Variants in TSGA10 observed in about 807,000 individuals in gnomAD.
The protein encoded by TSGA10 is testis-specific gene 10 protein.
Under a neutral mutation model 96.6 loss-of-function variants are expected in TSGA10, and 43 were observed. The observed-to-expected ratio is 0.44, with a 90% confidence interval of 0.35 to 0.57. The LOEUF is 0.57. Among genes scored for constraint, TSGA10 ranks in the 20% least tolerant of loss-of-function variants. The pLI is 0.01. For synonymous variants in TSGA10, 229 were observed against 269.9 expected, an observed-to-expected ratio of 0.85 and a Z score of 1.48; for missense variants, 703 against 834.4, an observed-to-expected ratio of 0.84 and a Z score of 1.94.
At chr2:99,105,979 A>G (rs759759783) in intron 7 of TSGA10, among the ~76,000 whole-genome samples, 13 of 152,150 alleles carry the variant, frequency 8.5e-5, no homozygotes, top group Non-Finnish European at 4.4e-5. Context: ...TATTTGGTAT[A>G]CTCCATTTAT....
At chr2:99,063,972 A>G (rs1240734538) in intron 16 of TSGA10, among the ~76,000 whole-genome samples, 2 of 152,172 alleles carry the variant, frequency 1.3e-5, no homozygotes, top group Non-Finnish European at 2.9e-5. Context: ...AAGGAAGCAC[A>G]AGACAAAAAG....
chr2:99,154,960 C>G (rs776826901), upstream of TSGA10: 11 of 455,322 alleles, frequency 2.4e-5, no homozygotes, highest in South Asian at 1.7e-4. Context: ...GGGGCAGCAT[C>G]GCGCGCAAGG....
intron 10 of TSGA10, among the ~76,000 whole-genome samples, chr2:99,093,501 C>G (rs2104704316): frequency 6.6e-6 from 1 of 151,858 alleles, no homozygotes; most frequent in East Asian, 1.9e-4. Flanking sequence ...CTAGAAAATC[C>G]TAAAGACTCC....
intron 2 of TSGA10, among the ~76,000 whole-genome samples, chr2:99,122,833 A>G (rs2092647540): frequency 6.6e-6 from 1 of 151,462 alleles, no homozygotes; most frequent in Non-Finnish European, 1.5e-5. Flanking sequence ...TCATTTACCC[A>G]TATTTTTTGC....
At chr2:99,003,290 A>T (rs2078126066) in intron 20 of TSGA10, among the ~76,000 whole-genome samples, 1 of 152,232 alleles carries the variant, frequency 6.6e-6, no homozygotes, top group Non-Finnish European at 1.5e-5. Context: ...GAGCACCCAG[A>T]TTCATAAAGC....
chr2:99,080,550 T>G (rs540694197), intron 11 of TSGA10, among the ~76,000 whole-genome samples: 11 of 152,310 alleles, frequency 7.2e-5, no homozygotes, highest in African/African-American at 2.4e-4. Flanking sequence ...CCTTAGATCT[T>G]TATTGGGACT....
chr2:99,106,967 C>A (rs148791114), intron 7 of TSGA10, among the ~76,000 whole-genome samples: 1 of 152,170 alleles, frequency 6.6e-6, no homozygotes, highest in Non-Finnish European at 1.5e-5. Flanking sequence ...TAACTCTTGC[C>A]TCTCTCTACT....
intron 17 of TSGA10, among the ~76,000 whole-genome samples, chr2:99,026,158 T>C (rs1401144315): frequency 1.3e-5 from 2 of 152,216 alleles, no homozygotes; most frequent in African/African-American, 4.8e-5. Context: ...GCCTAGCTGC[T>C]CTCTTCATTA....
rs1314485053 is a variant in TSGA10 at position 99,127,124 on chromosome 2, T to C, written c.-568A>G. The C allele has an allele frequency of 7.4e-5, 95 of 1,289,448 alleles. No individual in the cohort carries two copies. Among genetic ancestry groups the C allele is most frequent in the Non-Finnish European group, 9.4e-5 (93 of 988,770 alleles). 79.9% of individuals were successfully genotyped at this position (1,289,448 alleles called of 1,614,324 possible). ...TAGCTGGAGAGTATTCTGGTAGTTT[T>C]CAGCTTCAGAAACTGGAGCCCCTAG... On this transcript the variant is annotated 5_prime_UTR_variant, in exon 2 of 21. Transcript: ENST00000393483.
Position 99,105,669 on chromosome 2 carries a change from C to T in TSGA10, c.239G>A (p.Arg80Gln), listed in dbSNP as rs781501974. The stretch of plus-strand genomic sequence containing the variant: ...ACTCTTACAGCTTTTCATCATTTCT[C>T]GTCGAAGTCGGGTAATTTCTTCCTG... ...QAQEEITRLRREMMKSCKSPK... is the reference protein window; with the variant it reads ...QAQEEITRLRQEMMKSCKSPK... Residue 80 changes from arginine to glutamine, a missense_variant, in exon 8 of 21, where the codon CGA becomes CAA. Physicochemically the swap from Arg to Gln is conservative, Grantham distance 43. Transcript: ENST00000393483. 14 of 1,591,012 alleles carry T rather than the reference C, an allele frequency of 8.8e-6. No homozygotes were observed. The highest frequency in any genetic ancestry group is 8.1e-5 in the African/African-American group (6 of 74,526).
chr2:99,137,291 G>A (rs1318716599), intron 1 of TSGA10, among the ~76,000 whole-genome samples: 4 of 152,116 alleles, frequency 2.6e-5, no homozygotes, highest in Middle Eastern at 3.2e-3. Context: ...CACTGCACCC[G>A]GCCAAGACTC....
In TSGA10 at chr2:99,105,428, T is replaced by C. The variant is rs1416880232; in HGVS notation, c.390A>G (p.Gln130=). The change falls in exon 9 of 21, where the codon CAA becomes CAG. Residue 130 remains glutamine, a synonymous_variant. Transcript: ENST00000393483. ...GAGCCTTCTCATTAAATGCTGTCTCTTGAGCAATCTGATTAAAAAGCAAAA... is the reference window on the plus strand; with the variant it reads ...GAGCCTTCTCATTAAATGCTGTCTCCTGAGCAATCTGATTAAAAAGCAAAA... ...DSLRERLKIA[Q]ETAFNEKAHL... 20 of 1,613,722 alleles carry C rather than the reference T, an allele frequency of 1.2e-5. No individual in the cohort carries two copies. The highest frequency in any genetic ancestry group is 1.7e-5 in the Non-Finnish European group (20 of 1,180,002).
intron 10 of TSGA10, among the ~76,000 whole-genome samples, chr2:99,089,359 T>A (rs973682104): frequency 6.6e-6 from 1 of 152,204 alleles, no homozygotes; most frequent in African/African-American, 2.4e-5. Context: ...AACTTCCAAC[T>A]GAATTTTGTA....
At chr2:99,012,094 A>G (rs2079055191) in intron 20 of TSGA10, among the ~76,000 whole-genome samples, 1 of 152,220 alleles carries the variant, frequency 6.6e-6, no homozygotes, top group Non-Finnish European at 1.5e-5. Flanking sequence ...ATAATGAAGG[A>G]AAGATAAAGT....
In TSGA10 at chr2:99,065,112, G is replaced by A. The variant is rs3811553; in HGVS notation, c.1231C>T (p.Arg411Trp). ...NILKSEESEN[R>W]QMMEQLRKAN... ...TTTCGAAGTTGTTCCATCATTTGCC[G>A]GTTCTCAGATTCCTGAAAAGCAAAC... Residue 411 changes from arginine to tryptophan, a missense_variant, in exon 16 of 21, where the codon CGG becomes TGG. Arg to Trp is a moderately radical substitution (Grantham distance 101). Coordinates refer to ENST00000393483, the MANE Select transcript of TSGA10 (RefSeq NM_025244.4). 2.2e-5 allele frequency: 36 copies of A among 1,609,824 alleles called. No individual in the cohort carries two copies. Among genetic ancestry groups the A allele is most frequent in the East Asian group, 1.8e-4 (8 of 44,802 alleles).
chr2:99,066,417 T>G (rs1396453082), intron 15 of TSGA10, among the ~76,000 whole-genome samples: 1 of 152,176 alleles, frequency 6.6e-6, no homozygotes, highest in African/African-American at 2.4e-5. Flanking sequence ...ACATTGATCT[T>G]TACCCTCTTT....
intron 20 of TSGA10, among the ~76,000 whole-genome samples, chr2:99,004,582 AC>A (rs1558690460): frequency 1.3e-5 from 2 of 152,138 alleles, no homozygotes; most frequent in African/African-American, 4.8e-5. Flanking sequence ...CGCTCTCAAG[AC>A]TAAACCAGGA....
intron 17 of TSGA10, among the ~76,000 whole-genome samples, chr2:99,029,726 G>A (rs1558774980): frequency 6.6e-6 from 1 of 152,032 alleles, no homozygotes; most frequent in Non-Finnish European, 1.5e-5. Context: ...TAGAAATATG[G>A]GAATAGAGGG....
Position 99,111,194 on chromosome 2 carries a change from A to G in TSGA10, c.-139-279T>C, listed in dbSNP as rs987373508. On this transcript the variant is annotated intron_variant, in intron 4 of 20. Transcript: ENST00000393483. ...TCCCCATAAACTGGAACAAAATGTT[A>G]GTACTAATTACAATTCTGAAGATAA... Among the ~76,000 whole-genome samples the G allele has an allele frequency of 3.3e-5, 5 of 152,258 alleles. 1 individual carries two copies. Among genetic ancestry groups the G allele is most frequent in the Admixed American group, 1.3e-4 (2 of 15,306 alleles).
Sources: gnomAD v4.1 joint callset for allele counts (sites outside exome capture counted in the v4.1 genomes callset) on GRCh38, gnomAD v4.1.1 for gene constraint, MANE v1.5 for transcripts, NCBI Gene and HGNC (gene_info 2026-07-23, HGNC 2026-07-21) for gene names.